The following CUX2 variants were observed in gnomAD, a reference collection of about 807,000 sequenced individuals.
CUX2 encodes the protein cut like homeobox 2, also known as homeobox protein cut-like 2.
In CUX2, 40 loss-of-function variants were observed where a neutral mutation model predicts 144.8. That is an observed-to-expected ratio of 0.28 (90% confidence interval 0.21 to 0.36). The LOEUF (loss-of-function observed/expected upper bound fraction) is 0.36. Ranked by LOEUF, CUX2 falls within the 10% of genes least tolerant of loss-of-function variation. CUX2 has a pLI of 1.00. For missense variants in CUX2, 1,615 were observed against 1,994.0 expected (o/e 0.81, Z 3.62); for synonymous variants, 827 against 875.6 (o/e 0.94, Z 0.98).
At chr12:111,221,585 G>A (rs911223060) in intron 3 of CUX2, among the ~76,000 whole-genome samples, 6 of 152,010 alleles carry the variant, frequency 3.9e-5, no homozygotes, top group Admixed American at 6.6e-5. Flanking sequence ...TATCATGCCC[G>A]TCATTCCTTC....
At chr12:111,276,353 G>C (rs914977261) in intron 4 of CUX2, among the ~76,000 whole-genome samples, 1 of 152,116 alleles carries the variant, frequency 6.6e-6, no homozygotes, top group Admixed American at 6.5e-5. Flanking sequence ...TGAAAATGCT[G>C]TCTCAAAATA....
intron 1 of CUX2, among the ~76,000 whole-genome samples, chr12:111,044,928 A>G (rs1279081109): frequency 2.6e-5 from 4 of 152,202 alleles, no homozygotes; most frequent in Non-Finnish European, 5.9e-5. Flanking sequence ...GGGTGACCTC[A>G]GTTCCAACCT....
At chr12:111,288,493 C>T (rs1885506872) in intron 4 of CUX2, among the ~76,000 whole-genome samples, 1 of 151,930 alleles carries the variant, frequency 6.6e-6, no homozygotes, top group Admixed American at 6.6e-5. Flanking sequence ...CCCTCTGCTT[C>T]CCAGCAGAGA....
chr12:111,328,063 C>CAAT, intron 18 of CUX2, among the ~76,000 whole-genome samples: 1 of 152,132 alleles, frequency 6.6e-6, no homozygotes, highest in Admixed American at 6.5e-5. Context: ...GTCTCAAAAA[C>CAAT]AATAATAATA....
intron 3 of CUX2, among the ~76,000 whole-genome samples, chr12:111,224,489 C>T (rs1436685338): frequency 6.8e-6 from 1 of 148,068 alleles, no homozygotes; most frequent in African/African-American, 2.5e-5. Context: ...CTTGCTCTTC[C>T]GTTTGAGCTG....
intron 3 of CUX2, among the ~76,000 whole-genome samples, chr12:111,228,047 C>T (rs1281565784): frequency 6.6e-6 from 1 of 152,168 alleles, no homozygotes; most frequent in East Asian, 1.9e-4. Context: ...CCAGCCCACC[C>T]ATTCCTTCAT....
At chr12:111,074,320 A>C (rs1871403030) in intron 1 of CUX2, among the ~76,000 whole-genome samples, 1 of 152,064 alleles carries the variant, frequency 6.6e-6, no homozygotes, top group Non-Finnish European at 1.5e-5. Context: ...AATTTGGTTG[A>C]GACTGAATCT....
intron 3 of CUX2, among the ~76,000 whole-genome samples, chr12:111,224,159 G>C (rs1448317975): frequency 6.6e-6 from 1 of 152,136 alleles, no homozygotes; most frequent in African/African-American, 2.4e-5. Context: ...AGATGACCGA[G>C]AGGACAGACC....
chr12:111,156,593 G>C (rs949124234), intron 1 of CUX2, among the ~76,000 whole-genome samples: 1 of 152,112 alleles, frequency 6.6e-6, no homozygotes, highest in Non-Finnish European at 1.5e-5. Context: ...ACTCCTGAAG[G>C]TCCCTGCCAC....
At chr12:111,250,949 T>C (rs1565873014) in intron 3 of CUX2, among the ~76,000 whole-genome samples, 1 of 152,148 alleles carries the variant, frequency 6.6e-6, no homozygotes, top group East Asian at 1.9e-4. Flanking sequence ...CATCTCCATA[T>C]ATGACCATAC....
In CUX2 at chr12:111,289,413, G is replaced by C. The variant is rs1411536155; in HGVS notation, c.302-2005G>C. On this transcript the variant is annotated intron_variant, in intron 4 of 21. Transcript: ENST00000261726. This position sits in a 1 kb window ranked among gnomAD's most constrained non-coding sequence, Gnocchi z 4.1. ...CCTCAGTTTCCTCATCTGTGAAAAT[G>C]CCTTGGATCCAAGCCAGCCTCCAGG... 6.6e-6 allele frequency among the ~76,000 whole-genome samples: 1 copy of C among 152,152 alleles called. No homozygotes were observed. Among genetic ancestry groups the C allele is most frequent in the African/African-American group, 2.4e-5 (1 of 41,436 alleles).
At chr12:111,164,508 G>A (rs1173089170) in intron 1 of CUX2, among the ~76,000 whole-genome samples, 1 of 151,984 alleles carries the variant, frequency 6.6e-6, no homozygotes, top group Non-Finnish European at 1.5e-5. Flanking sequence ...TCTGGGAGGT[G>A]GAGGTTGCAG....
chr12:111,265,430 C>T (rs965040971), intron 4 of CUX2, among the ~76,000 whole-genome samples: 2 of 151,960 alleles, frequency 1.3e-5, no homozygotes, highest in African/African-American at 2.4e-5. Context: ...CAACCTCCGC[C>T]TCCCGGGTTC....
intron 1 of CUX2, among the ~76,000 whole-genome samples, chr12:111,193,061 T>G (rs1879996144): frequency 6.6e-6 from 1 of 152,136 alleles, no homozygotes; most frequent in Non-Finnish European, 1.5e-5. Flanking sequence ...AATGAATAAA[T>G]GAATGAGTTG....
At chr12:111,114,654 C>A (rs976295034) in intron 1 of CUX2, among the ~76,000 whole-genome samples, 1 of 152,200 alleles carries the variant, frequency 6.6e-6, no homozygotes, top group Non-Finnish European at 1.5e-5. Context: ...AGAAAATGAA[C>A]CTCTTTCCTT....
At chr12:111,141,524 C>T (rs1443582558) in intron 1 of CUX2, among the ~76,000 whole-genome samples, 2 of 152,162 alleles carry the variant, frequency 1.3e-5, no homozygotes, top group African/African-American at 4.8e-5. Context: ...CACCTAAGAA[C>T]AGCCCCATTA....
chr12:111,191,301 C>T (rs1879860592), intron 1 of CUX2, among the ~76,000 whole-genome samples: 1 of 146,794 alleles, frequency 6.8e-6, no homozygotes, highest in South Asian at 2.4e-4. Flanking sequence ...TGTTCTTATT[C>T]TTTTATTATT....
rs911935071 is a variant in CUX2, at chr12:111,057,613, G to A, written c.63+23373G>A. 6.6e-6 allele frequency among the ~76,000 whole-genome samples: 1 copy of A among 152,084 alleles called. No individual in the cohort carries two copies. The highest frequency in any genetic ancestry group is 2.1e-4 in the South Asian group (1 of 4,814). On this transcript the variant is annotated intron_variant, in intron 1 of 21. Coordinates refer to ENST00000261726, the MANE Select transcript of CUX2 (RefSeq NM_015267.4). The surrounding 1 kb of genome is among the most constrained non-coding windows in gnomAD (Gnocchi z 5.1). ...CCACCATCTTCCTGTCTTCCTGTGG[G>A]CCCCTCGCTCCCCACTTCTGCCAGC...
Position 111,320,597 on chromosome 12 carries a change from C to T in CUX2, c.2588C>T (p.Ala863Val), listed in dbSNP as rs1887477583. The T allele has an allele frequency of 6.5e-7, 1 of 1,533,370 alleles. No individual in the cohort carries two copies. Among genetic ancestry groups the T allele is most frequent in the Non-Finnish European group, 8.7e-7 (1 of 1,148,662 alleles). 95.0% of individuals were successfully genotyped at this position (1,533,370 alleles called of 1,614,324 possible). ...GAGGGCGCGACGGCCGAGGCGGGCG[C>T]GCGGCTGCCCTACTACCCGGCCTAC... ...KAEGATAEAG[A>V]RLPYYPAYVP... The change falls in exon 17 of 22, where the codon GCG becomes GTG. Residue 863 changes from alanine to valine, a missense_variant. Physicochemically the swap from Ala to Val is moderately conservative, Grantham distance 64. Around this residue, in one of 12 missense-constraint regions of CUX2, gnomAD observed 390 missense variants for 387.1 expected, o/e 1.01. Transcript: ENST00000261726. This position sits in a 1 kb window ranked among gnomAD's most constrained non-coding sequence, Gnocchi z 8.1.
Sources: allele counts gnomAD v4.1 joint callset (sites outside exome capture counted in the v4.1 genomes callset), GRCh38; gene constraint gnomAD v4.1.1; regional missense constraint gnomAD v4.1.1; non-coding constraint Gnocchi (gnomAD v3.1); transcripts MANE v1.5; gene names NCBI Gene and HGNC (gene_info 2026-07-23, HGNC 2026-07-21).